Variants in ANKRD12 observed in about 807,000 individuals in gnomAD.
The protein encoded by ANKRD12 is ankyrin repeat domain-containing protein 12.
Under a neutral mutation model 183.4 loss-of-function variants are expected in ANKRD12, and 85 were observed. That is an observed-to-expected ratio of 0.46 (90% CI 0.39 to 0.56). ANKRD12 has a LOEUF of 0.56. ANKRD12 is among the 20% of genes least tolerant of loss of function. The pLI, the probability that ANKRD12 is intolerant of heterozygous loss-of-function variation, is 0.00. For synonymous variants in ANKRD12, 914 were observed against 800.2 expected (o/e 1.14, Z -2.40); for missense variants, 2,405 against 2,357.1 (o/e 1.02, Z -0.42).
At position 9,208,608 on chromosome 18, in the gene ANKRD12, G is replaced by C. The variant is rs760986669; in HGVS notation, c.305-49G>C. The C allele has an allele frequency of 1.3e-5, 20 of 1,535,364 alleles. No individual in the cohort carries two copies. The Admixed American group carries it at 3.9e-4, about 30-fold the overall frequency. On this transcript the variant is annotated intron_variant, in intron 4 of 12. Transcript: ENST00000262126. The stretch of plus-strand genomic sequence containing the variant: ...AAAAATTCATCTTAAACTTGCTTTT[G>C]AGTACTTGGATTTGTTTCAAATTCT...
chr18:9,179,337 A>G (rs2033528134), intron 1 of ANKRD12, among the ~76,000 whole-genome samples: 1 of 152,260 alleles, frequency 6.6e-6, no homozygotes. Flanking sequence ...AGAACCCAAC[A>G]TCCACGCCTC....
chr18:9,255,203 G>A lies in ANKRD12; in HGVS notation c.1936G>A (p.Glu646Lys). The A allele has an allele frequency of 6.3e-7, 1 of 1,577,278 alleles. No individual in the cohort carries two copies. Among genetic ancestry groups the A allele is most frequent in the Non-Finnish European group, 8.6e-7 (1 of 1,167,820 alleles). Residue 646 changes from glutamate to lysine, a missense_variant, in exon 9 of 13, where the codon GAA (glutamate) becomes AAA (lysine). Around this residue, in one of 7 missense-constraint regions of ANKRD12, gnomAD observed 1,983 missense variants for 1,725.9 expected, o/e 1.15. Transcript: ENST00000262126. Reference protein sequence around the residue: ...SDCTLKKMDKEGKTLKKHKLK... With the variant: ...SDCTLKKMDKKGKTLKKHKLK... ...TTGCACACTGAAAAAAATGGATAAA[G>A]AAGGTAAAACATTAAAAAAACATAA...
In ANKRD12 at chr18:9,258,072, C is replaced by A. The variant is rs757053526; in HGVS notation, c.4805C>A (p.Thr1602Lys). The A allele has an allele frequency of 6.2e-7, 1 of 1,613,206 alleles. No homozygotes were observed. Among genetic ancestry groups the A allele is most frequent in the South Asian group, 1.1e-5 (1 of 91,080 alleles). The change falls in exon 9 of 13, where the codon ACA (threonine) becomes AAA (lysine). Residue 1602 changes from threonine (T) to lysine (K), a missense_variant. This residue lies in a region of ANKRD12 where 1,983 missense variants were observed against 1,725.9 expected (regional missense o/e 1.15). Coordinates refer to ENST00000262126, the MANE Select transcript of ANKRD12 (RefSeq NM_015208.5). ...NGSDASTQLN[T>K]HYAFSKLTYK... Reference sequence around the variant, plus strand: ...AGTGATGCCTCTACCCAGCTAAATACACATTATGCATTTAGCAAACTAACT... The same window carrying A: ...AGTGATGCCTCTACCCAGCTAAATAAACATTATGCATTTAGCAAACTAACT...
intron 5 of ANKRD12, among the ~76,000 whole-genome samples, chr18:9,210,621 T>C (rs562582248): frequency 6.6e-6 from 1 of 151,286 alleles, no homozygotes; most frequent in Non-Finnish European, 1.5e-5. Context: ...CTCGGGAGGC[T>C]GAGGTGGAAG....
intron 1 of ANKRD12, among the ~76,000 whole-genome samples, chr18:9,171,970 G>A (rs1016481048): frequency 6.6e-6 from 1 of 151,166 alleles, no homozygotes; most frequent in African/African-American, 2.4e-5. Context: ...CAATGAGCTG[G>A]GATCGCACCA....
intron 1 of ANKRD12, among the ~76,000 whole-genome samples, chr18:9,145,340 T>A (rs1452768393): frequency 6.6e-6 from 1 of 152,210 alleles, no homozygotes; most frequent in African/African-American, 2.4e-5. Context: ...TTTAGAGGAA[T>A]GTCTCTAGGT....
chr18:9,208,831 T>G lies in ANKRD12; in HGVS notation c.451+28T>G, dbSNP rs1457652388. The G allele has an allele frequency of 2.0e-6, 3 of 1,475,752 alleles. No homozygotes were observed. The African/African-American group carries it at 4.3e-5, about 21-fold the overall frequency. 91.4% of individuals were successfully genotyped at this position (1,475,752 alleles called of 1,614,324 possible). A position where few individuals can be genotyped will look rare whatever the true frequency, so the allele number is the denominator to read the frequency against. ...GATACCTACCATCATTGAGTTAATGTGTATCCCTAGTTTTCCTCAGGCAAC... is the reference window on the plus strand; with the variant it reads ...GATACCTACCATCATTGAGTTAATGGGTATCCCTAGTTTTCCTCAGGCAAC... On this transcript the variant is annotated intron_variant, in intron 5 of 12. Transcript: ENST00000262126.
At chr18:9,263,707 C>A (rs780067128) in intron 9 of ANKRD12, 83 bp from the exon 10 acceptor site, 19 of 1,067,642 alleles carry the variant, frequency 1.8e-5, no homozygotes, top group Non-Finnish European at 2.4e-5. Flanking sequence ...TTTTTATGCA[C>A]TAAAAGGGTT....
At position 9,231,861 on chromosome 18, in the gene ANKRD12, A is replaced by T. The variant is rs570264648; in HGVS notation, c.943+9862A>T. 6.6e-5 allele frequency among the ~76,000 whole-genome samples: 10 copies of T among 151,390 alleles called. No individual in the cohort carries two copies. In the South Asian group the frequency reaches 2.1e-3, roughly 31 times the overall value. ...AAAAAAAAGATATTTTATCCGATAT[A>T]ATTATTATAGCTACTCTTGCTTGCT... On this transcript the variant is annotated intron_variant, in intron 8 of 12. Transcript: ENST00000262126.
At chr18:9,177,294 C>T (rs1211184725) in intron 1 of ANKRD12, among the ~76,000 whole-genome samples, 5 of 152,128 alleles carry the variant, frequency 3.3e-5, no homozygotes, top group South Asian at 2.1e-4. Context: ...AGCAAGTGGC[C>T]GTACCGCTAT....
chr18:9,163,294 T>C (rs1406206634), intron 1 of ANKRD12, among the ~76,000 whole-genome samples: 1 of 152,228 alleles, frequency 6.6e-6, no homozygotes, highest in Non-Finnish European at 1.5e-5. Flanking sequence ...ATTTATTAAA[T>C]AGGGAATCCT....
intron 10 of ANKRD12, among the ~76,000 whole-genome samples, chr18:9,269,502 A>G (rs1252977473): frequency 1.3e-5 from 2 of 152,262 alleles, no homozygotes; most frequent in African/African-American, 4.8e-5. Flanking sequence ...CAAACCTGAC[A>G]AAAACAAACA....
At chr18:9,146,804 G>C (rs1047260917) in intron 1 of ANKRD12, among the ~76,000 whole-genome samples, 1 of 152,184 alleles carries the variant, frequency 6.6e-6, no homozygotes, top group Non-Finnish European at 1.5e-5. Context: ...GAATGCCCTG[G>C]AATATACAGT....
At chr18:9,181,267 GTTTA>G (rs1404003368) in intron 1 of ANKRD12, among the ~76,000 whole-genome samples, 1 of 152,106 alleles carries the variant, frequency 6.6e-6, no homozygotes, top group African/African-American at 2.4e-5. Context: ...AATTAGCTCA[GTTTA>G]TTTAAGGGAT....
In ANKRD12 at chr18:9,255,162, C is replaced by T. The variant is rs765696928; in HGVS notation, c.1895C>T (p.Thr632Ile). Reference sequence around the variant, plus strand: ...ATAAAGGATGAAGATCATAGTCCAACATTTGAAAATTCAGATTGCACACTG... The same window carrying T: ...ATAAAGGATGAAGATCATAGTCCAATATTTGAAAATTCAGATTGCACACTG... ...AKIKDEDHSP[T>I]FENSDCTLKK... Residue 632 changes from threonine (T) to isoleucine (I), a missense_variant, in exon 9 of 13, where the codon ACA (threonine) becomes ATA (isoleucine). Coordinates refer to ENST00000262126, the MANE Select transcript of ANKRD12 (RefSeq NM_015208.5). 6.3e-6 allele frequency: 10 copies of T among 1,579,602 alleles called. No homozygotes were observed. In the Admixed American group the frequency reaches 1.9e-4, roughly 30 times the overall value.
chr18:9,236,435 A>G (rs2037349542), intron 8 of ANKRD12, among the ~76,000 whole-genome samples: 1 of 152,240 alleles, frequency 6.6e-6, no homozygotes. Context: ...GGCACTTAAG[A>G]AAATTCAAGT....
intron 11 of ANKRD12, among the ~76,000 whole-genome samples, chr18:9,276,736 TAA>T (rs1359171090): frequency 6.6e-6 from 1 of 152,152 alleles, no homozygotes. Flanking sequence ...AAAAAAACTT[TAA>T]GTCTCCAACT....
At chr18:9,230,616 G>A (rs1401181497) in intron 8 of ANKRD12, among the ~76,000 whole-genome samples, 4 of 150,048 alleles carry the variant, frequency 2.7e-5, no homozygotes, top group African/African-American at 9.8e-5. Flanking sequence ...TGCTTTTGCT[G>A]TGTCCCCAGG....
intron 8 of ANKRD12, among the ~76,000 whole-genome samples, chr18:9,241,238 T>C (rs1451625275): frequency 6.6e-6 from 1 of 152,156 alleles, no homozygotes; most frequent in Non-Finnish European, 1.5e-5. Context: ...TCAACAAATT[T>C]GATGATCGGG....
Sources: allele counts gnomAD v4.1 joint callset (sites outside exome capture counted in the v4.1 genomes callset), GRCh38; gene constraint gnomAD v4.1.1; regional missense constraint gnomAD v4.1.1; transcripts MANE v1.5; gene names NCBI Gene and HGNC (gene_info 2026-07-23, HGNC 2026-07-21).